Variants in RAP1GAP2 observed in about 807,000 individuals in gnomAD.
RAP1GAP2 encodes the protein rap1 GTPase-activating protein 2.
A neutral mutation model predicts 95.0 loss-of-function variants in RAP1GAP2; 27 were observed. That is an observed-to-expected ratio of 0.28 (90% CI 0.21 to 0.39). The LOEUF is 0.39. Among genes scored for constraint, RAP1GAP2 ranks in the 10% least tolerant of loss-of-function variants. The probability of loss-of-function intolerance (pLI) is 1.00; values close to 1 mark genes in which losing one functional copy is unlikely to be tolerated. For missense variants in RAP1GAP2, 771 were observed against 970.0 expected (o/e 0.79, Z 2.72); for synonymous variants, 373 against 380.9 (o/e 0.98, Z 0.24).
intron 3 of RAP1GAP2, among the ~76,000 whole-genome samples, chr17:2,908,048 G>A (rs1268985765): frequency 4.0e-5 from 6 of 151,740 alleles, no homozygotes; most frequent in Admixed American, 2.0e-4. Context: ...CTCGTGATGC[G>A]CCCGCCTCGG....
intron 2 of RAP1GAP2, among the ~76,000 whole-genome samples, chr17:2,813,223 C>A (rs2069850802): frequency 6.6e-6 from 1 of 151,872 alleles, no homozygotes. Context: ...CAGGTGCATG[C>A]CACCATGCCC....
intron 2 of RAP1GAP2, among the ~76,000 whole-genome samples, chr17:2,843,470 A>G (rs1391251471): frequency 6.6e-6 from 1 of 151,812 alleles, no homozygotes; most frequent in Non-Finnish European, 1.5e-5. Context: ...TATTTTTAGT[A>G]GAGACGGGGT....
At chr17:2,987,253 C>CCTGG (rs1382626919) in intron 11 of RAP1GAP2, among the ~76,000 whole-genome samples, 1 of 152,238 alleles carries the variant, frequency 6.6e-6, no homozygotes, top group Non-Finnish European at 1.5e-5. Context: ...GGATCTGTAT[C>CCTGG]ATAGCATTTG....
intron 3 of RAP1GAP2, among the ~76,000 whole-genome samples, chr17:2,909,983 G>A (rs1159723808): frequency 6.6e-6 from 1 of 152,134 alleles, no homozygotes. Flanking sequence ...TGGCGAGGAG[G>A]TTTTTTCCCT....
rs577225307 is a variant in RAP1GAP2 at position 2,825,741 on chromosome 17, G to A, written c.80+25191G>A. ...AGTGCTCGTGACTGCAGCTGTTACT[G>A]AAGACAGAGCGTTTAGGTGTGAAGA... is the stretch of plus-strand genomic sequence containing the variant. On this transcript the variant is annotated intron_variant, in intron 2 of 24. Transcript: ENST00000254695. The surrounding 1 kb of genome is among the most constrained non-coding windows in gnomAD (Gnocchi z 4.1). Among the ~76,000 whole-genome samples, 1 of 152,218 alleles carries A rather than the reference G, an allele frequency of 6.6e-6. No homozygotes were observed. Among genetic ancestry groups the A allele is most frequent in the East Asian group, 1.9e-4 (1 of 5,178 alleles).
chr17:2,854,330 C>T (rs1437006310), intron 2 of RAP1GAP2, among the ~76,000 whole-genome samples: 1 of 152,228 alleles, frequency 6.6e-6, no homozygotes, highest in Non-Finnish European at 1.5e-5. Context: ...GAGGGCGCAT[C>T]GGGGTGGATC....
chr17:2,821,795 C>T (rs963692267), intron 2 of RAP1GAP2, among the ~76,000 whole-genome samples: 3 of 152,106 alleles, frequency 2.0e-5, no homozygotes, highest in Admixed American at 6.6e-5. Context: ...TAGGGAACAA[C>T]GCAGGTACAG....
intron 2 of RAP1GAP2, among the ~76,000 whole-genome samples, chr17:2,819,759 C>T (rs940047830): frequency 2.6e-5 from 4 of 151,632 alleles, no homozygotes; most frequent in South Asian, 2.1e-4. Context: ...TGAGCCTCAG[C>T]GCCTGGTGAT....
chr17:2,864,374 C>T (rs1458152428), intron 2 of RAP1GAP2, among the ~76,000 whole-genome samples: 7 of 152,190 alleles, frequency 4.6e-5, no homozygotes, highest in Admixed American at 3.9e-4. Flanking sequence ...TCCTTTGGAG[C>T]TGATATTTTA....
rs1198377430 is a variant in RAP1GAP2 at position 2,953,551 on chromosome 17, A to G, written c.166-4208A>G. Reference sequence around the variant, plus strand: ...TTACGTATCATAAAGTCACCCATTTAAAGTGTACAATTTGGCCGGGTACGA... The same window carrying G: ...TTACGTATCATAAAGTCACCCATTTGAAGTGTACAATTTGGCCGGGTACGA... On this transcript the variant is annotated intron_variant, in intron 3 of 24. Coordinates refer to ENST00000254695, the MANE Select transcript of RAP1GAP2 (RefSeq NM_015085.5). Among the ~76,000 whole-genome samples, 5 of 152,162 alleles carry G rather than the reference A, an allele frequency of 3.3e-5. No individual in the cohort carries two copies. The East Asian group carries it at 9.6e-4, about 29-fold the overall frequency.
rs1480134336 is a variant in RAP1GAP2 at position 2,787,448 on chromosome 17, G to T, written c.-14+10170G>T. Among the ~76,000 whole-genome samples the T allele has an allele frequency of 2.0e-5, 3 of 152,080 alleles. No individual in the cohort carries two copies. The East Asian group carries it at 5.8e-4, about 29-fold the overall frequency. On this transcript the variant is annotated intron_variant, in intron 1 of 24. Coordinates refer to the RAP1GAP2 transcript ENST00000540393. ...TTAAAAAAATTTTTGTACAGATGGG[G>T]TCTTACTATGTTGCTGGGACTGGTC...
intron 3 of RAP1GAP2, among the ~76,000 whole-genome samples, chr17:2,926,157 G>A (rs994568915): frequency 2.7e-5 from 4 of 150,844 alleles, no homozygotes; most frequent in African/African-American, 4.9e-5. Flanking sequence ...AACCTGGTCA[G>A]AGCAGAGCAA....
intron 2 of RAP1GAP2, among the ~76,000 whole-genome samples, chr17:2,849,362 C>T (rs1319231558): frequency 6.6e-6 from 1 of 152,166 alleles, no homozygotes; most frequent in African/African-American, 2.4e-5. Flanking sequence ...CTGGGTGGGG[C>T]GACGAGGTGG....
At chr17:2,961,248 C>A (rs1460414352) in intron 4 of RAP1GAP2, among the ~76,000 whole-genome samples, 1 of 148,910 alleles carries the variant, frequency 6.7e-6, no homozygotes, top group Non-Finnish European at 1.5e-5. Flanking sequence ...GGTGCAGTGG[C>A]TCACGCCTAT....
Position 2,963,491 on chromosome 17 carries a change from C to A in RAP1GAP2, c.279+29C>A, listed in dbSNP as rs1345847421. 1.2e-6 allele frequency: 2 copies of A among 1,613,550 alleles called. No individual in the cohort carries two copies. The highest frequency in any genetic ancestry group is 1.1e-5 in the South Asian group (1 of 91,076). ...GGTGCCCTCCCCTCACTCCCACCTG[C>A]CCTGCAGCCTGCTCTGGGTCCCGTC... On this transcript the variant is annotated intron_variant, in intron 6 of 24. Transcript: ENST00000254695. The surrounding 1 kb of genome is among the most constrained non-coding windows in gnomAD (Gnocchi z 4.8).
intron 3 of RAP1GAP2, among the ~76,000 whole-genome samples, chr17:2,908,290 A>G (rs1329603416): frequency 6.6e-6 from 1 of 152,198 alleles, no homozygotes; most frequent in African/African-American, 2.4e-5. Context: ...CTGGGCATGC[A>G]GGCAGGGACC....
rs571863587 is a variant in RAP1GAP2 at position 2,994,876 on chromosome 17, C to G, written c.915-461C>G. ...TTGCCCAGGCTGGAGTGCAGTGGCG[C>G]CATCTCGGCTCACTGCAACCTCCAC... On this transcript the variant is annotated intron_variant, in intron 12 of 24. Coordinates refer to ENST00000254695, the MANE Select transcript of RAP1GAP2 (RefSeq NM_015085.5). 3.3e-5 allele frequency among the ~76,000 whole-genome samples: 5 copies of G among 152,314 alleles called. No homozygotes were observed. The East Asian group carries it at 9.6e-4, about 29-fold the overall frequency.
chr17:2,889,002 C>T (rs1478765691), intron 2 of RAP1GAP2, among the ~76,000 whole-genome samples: 1 of 152,006 alleles, frequency 6.6e-6, no homozygotes, highest in African/African-American at 2.4e-5. Flanking sequence ...TTTATAGACT[C>T]AGGTTCATTC....
chr17:2,992,015 C>T (rs1597814391), intron 12 of RAP1GAP2, among the ~76,000 whole-genome samples: 2 of 152,196 alleles, frequency 1.3e-5, no homozygotes, highest in East Asian at 1.9e-4. Flanking sequence ...ATCCACCCAC[C>T]TCAGCCTCCC....
Sources: allele counts gnomAD v4.1 joint callset (sites outside exome capture counted in the v4.1 genomes callset), GRCh38; gene constraint gnomAD v4.1.1; non-coding constraint Gnocchi (gnomAD v3.1); transcripts MANE v1.5; gene names NCBI Gene and HGNC (gene_info 2026-07-23, HGNC 2026-07-21).